Variants in IRAG2 observed in about 807,000 individuals in gnomAD.
The protein encoded by IRAG2 is inositol 1,4,5-triphosphate receptor associated 2, also known as lymphoid restricted membrane protein.
In IRAG2, 45 loss-of-function variants were observed where a neutral mutation model predicts 69.9. That is an observed-to-expected ratio of 0.64 (90% CI 0.51 to 0.83). The LOEUF is 0.83. IRAG2 is among the 40% of genes least tolerant of loss of function. IRAG2 has a pLI of 0.00. For synonymous variants in IRAG2, 193 were observed against 202.4 expected (o/e 0.95, Z 0.40); for missense variants, 520 against 587.0 (o/e 0.89, Z 1.18).
intron 3 of IRAG2, among the ~76,000 whole-genome samples, chr12:25,013,478 C>T (rs549479504): frequency 6.6e-6 from 1 of 151,718 alleles, no homozygotes; most frequent in South Asian, 2.1e-4. Flanking sequence ...GCCCTGTCTC[C>T]AAAACAAAAA....
chr12:25,039,632 A>T (rs561186594), intron 16 of IRAG2, among the ~76,000 whole-genome samples: 10 of 152,116 alleles, frequency 6.6e-5, no homozygotes, highest in African/African-American at 2.2e-4. Flanking sequence ...GGGTTTCACC[A>T]TGTTAACCAG....
chr12:25,007,113 A>G (rs1354245287), intron 2 of IRAG2, among the ~76,000 whole-genome samples: 2 of 152,230 alleles, frequency 1.3e-5, no homozygotes, highest in South Asian at 2.1e-4. Context: ...GTAGAATTCT[A>G]TGATGAATCC....
At chr12:25,036,522 A>G (rs1455250499) in intron 14 of IRAG2, 5 of 398,032 alleles carry the variant, frequency 1.3e-5, no homozygotes, top group Non-Finnish European at 1.3e-5. Context: ...TTTGGTCTCA[A>G]TGGATTCTGA....
At chr12:25,033,211 T>C (rs1353903132) in intron 12 of IRAG2, among the ~76,000 whole-genome samples, 1 of 152,168 alleles carries the variant, frequency 6.6e-6, no homozygotes, top group Non-Finnish European at 1.5e-5. Flanking sequence ...TGCCTCGGCC[T>C]CTCAAAGTGC....
intron 15 of IRAG2, chr12:25,100,908 T>C (rs1948717170): frequency 7.6e-6 from 2 of 264,676 alleles, no homozygotes; most frequent in Non-Finnish European, 1.4e-5. Context: ...GCAGTGTAGG[T>C]TGCTTCTAGG....
chr12:25,039,802 T>A (rs566673186), intron 16 of IRAG2, among the ~76,000 whole-genome samples: 74 of 152,106 alleles, frequency 4.9e-4, no homozygotes, highest in Non-Finnish European at 9.6e-4. Context: ...AATGAGTGAA[T>A]CTTCTGTATT....
intron 10 of IRAG2, among the ~76,000 whole-genome samples, chr12:25,087,588 T>C (rs1165123243): frequency 6.6e-6 from 1 of 152,210 alleles, no homozygotes; most frequent in Non-Finnish European, 1.5e-5. Flanking sequence ...CCCTTTTTGC[T>C]TCAACTAGAT....
intron 7 of IRAG2, among the ~76,000 whole-genome samples, chr12:25,021,650 A>C (rs543451531): frequency 6.6e-6 from 1 of 152,328 alleles, no homozygotes; most frequent in East Asian, 1.9e-4. Flanking sequence ...AGTCTTCAAA[A>C]TCCTGATAGA....
chr12:25,036,773 C>A (rs961615167), intron 15 of IRAG2: 30 of 396,272 alleles, frequency 7.6e-5, no homozygotes, highest in Non-Finnish European at 1.2e-4. Flanking sequence ...ATTTCTAAGA[C>A]TTTATTGTAG....
intron 5 of IRAG2, 82 bp from the exon 6 acceptor site, chr12:25,069,268 T>G: frequency 1.6e-6 from 1 of 636,764 alleles, no homozygotes; most frequent in Admixed American, 2.8e-5. Context: ...CGTAGGGGAG[T>G]GAGAACCATG....
intron 5 of IRAG2, among the ~76,000 whole-genome samples, chr12:25,016,926 T>G (rs898551303): frequency 2.2e-4 from 34 of 152,106 alleles, no homozygotes; most frequent in Non-Finnish European, 5.9e-5. Flanking sequence ...TTGGAAATTT[T>G]GGGAAACATC....
chr12:25,090,005 C>G (rs1947928413), intron 13 of IRAG2, 52 bp from the exon 14 acceptor site: 2 of 1,572,006 alleles, frequency 1.3e-6, no homozygotes, highest in East Asian at 2.2e-5. Context: ...AAACATCTGA[C>G]CACATCCGGT....
At chr12:25,079,818 T>A in intron 9 of IRAG2, 55 bp downstream of exon 9, 1 of 1,118,556 alleles carries the variant, frequency 8.9e-7, no homozygotes, top group Non-Finnish European at 1.4e-6. Flanking sequence ...GAAGCAAGTC[T>A]ATAAGCTAGT....
chr12:25,086,702 A>T (rs1190900316), intron 10 of IRAG2, among the ~76,000 whole-genome samples: 5 of 152,172 alleles, frequency 3.3e-5, no homozygotes, highest in African/African-American at 1.2e-4. Flanking sequence ...AAGGGGAAAA[A>T]ATCTTCAAGA....
intron 21 of IRAG2, among the ~76,000 whole-genome samples, chr12:25,107,564 C>T (rs867652227): frequency 1.3e-5 from 2 of 149,608 alleles, no homozygotes; most frequent in Admixed American, 1.3e-4. Context: ...CTTGTATGTA[C>T]TTATTAGAAG....
At chr12:25,051,844 C>T (rs1312138331), upstream of IRAG2, among the ~76,000 whole-genome samples, 7 of 152,172 alleles carry the variant, frequency 4.6e-5, no homozygotes, top group African/African-American at 1.7e-4. Context: ...CCATTCCTTT[C>T]TTTTTCTGTA....
rs1189415282 is a variant in IRAG2 at position 25,096,716 on chromosome 12, C to T, written c.607-194C>T. On this transcript the variant is annotated intron_variant, in intron 14 of 21. Transcript: ENST00000556887. The stretch of plus-strand genomic sequence containing the variant: ...GACATAAAAGATTTGTGATCACCTG[C>T]GTATATCTACCCAGTACCCAAAAAA... 5.3e-5 allele frequency among the ~76,000 whole-genome samples: 8 copies of T among 152,040 alleles called. No individual in the cohort carries two copies. In the South Asian group the frequency reaches 8.3e-4, roughly 16 times the overall value.
At chr12:25,013,296 G>T (rs895522746) in intron 3 of IRAG2, among the ~76,000 whole-genome samples, 2 of 152,162 alleles carry the variant, frequency 1.3e-5, no homozygotes, top group Non-Finnish European at 2.9e-5. Flanking sequence ...GGGCAACTTA[G>T]CAAGATTCTG....
intron 14 of IRAG2, among the ~76,000 whole-genome samples, chr12:25,094,154 T>G (rs11047825): frequency 5.9e-5 from 9 of 152,002 alleles, no homozygotes; most frequent in Admixed American, 2.0e-4. Context: ...CAAGAAACCA[T>G]TGCCAAAACC....
Sources: allele counts gnomAD v4.1 joint callset (sites outside exome capture counted in the v4.1 genomes callset), GRCh38; gene constraint gnomAD v4.1.1; transcripts MANE v1.5; gene names NCBI Gene and HGNC (gene_info 2026-07-23, HGNC 2026-07-21).